The following MTHFS variants were observed in gnomAD, a reference collection of about 807,000 sequenced individuals.
MTHFS encodes the protein methenyltetrahydrofolate synthetase.
A neutral mutation model predicts 12.7 loss-of-function variants in MTHFS; 7 were observed. The ratio of observed to expected loss-of-function variants is 0.55; its 90% CI spans 0.31 to 1.03. MTHFS has a LOEUF of 1.03. MTHFS is among the 50% of genes least tolerant of loss of function. The pLI is 0.05. For synonymous variants in MTHFS, 100 were observed against 97.1 expected (o/e 1.03, Z -0.18); for missense variants, 252 against 258.1 (o/e 0.98, Z 0.16).
intron 1 of MTHFS, 113 bp downstream of exon 1, chr15:79,896,759 G>C (rs535046420): frequency 1.1e-4 from 163 of 1,449,662 alleles, no homozygotes; most frequent in Middle Eastern, 3.7e-4. Context: ...GCCGGGGGGT[G>C]GGGGGGCGCC....
chr15:79,879,754 T>C (rs925944693), intron 2 of MTHFS, among the ~76,000 whole-genome samples: 1 of 152,188 alleles, frequency 6.6e-6, no homozygotes, highest in African/African-American at 2.4e-5. Context: ...AAAAACATCA[T>C]GACCCATTTT....
chr15:79,883,018 C>A (rs1005782684), intron 2 of MTHFS, among the ~76,000 whole-genome samples: 1 of 152,176 alleles, frequency 6.6e-6, no homozygotes, highest in Admixed American at 6.5e-5. Flanking sequence ...TCAGCCTGGG[C>A]AACAGAGTAG....
chr15:79,852,756 G>A (rs977850156), intron 2 of MTHFS, among the ~76,000 whole-genome samples: 6 of 152,138 alleles, frequency 3.9e-5, no homozygotes, highest in African/African-American at 9.7e-5. Context: ...TGGATGACAC[G>A]GGTCATTCTG....
chr15:79,872,686 A>G (rs559047496), intron 2 of MTHFS, among the ~76,000 whole-genome samples: 27 of 152,338 alleles, frequency 1.8e-4, no homozygotes, highest in Admixed American at 1.3e-3. Flanking sequence ...GGTTGTTGCC[A>G]TGGAAAGGGG....
intron 2 of MTHFS, among the ~76,000 whole-genome samples, chr15:79,855,881 T>C (rs545025951): frequency 6.6e-6 from 1 of 152,368 alleles, no homozygotes; most frequent in African/African-American, 2.4e-5. Flanking sequence ...TATTCTATAG[T>C]ATATATGTAC....
At chr15:79,879,625 T>C (rs1286096207) in intron 2 of MTHFS, among the ~76,000 whole-genome samples, 1 of 152,228 alleles carries the variant, frequency 6.6e-6, no homozygotes, top group East Asian at 1.9e-4. Flanking sequence ...TGCTAAAATG[T>C]TGAAGTAAAA....
upstream of MTHFS, chr15:79,897,219 C>T (rs927114839): frequency 2.0e-5 from 9 of 446,046 alleles, no homozygotes; most frequent in African/African-American, 1.8e-4. Flanking sequence ...GGCTCGCCCT[C>T]CCCGGTTAGG....
At chr15:79,856,746 T>A (rs2033811219) in intron 2 of MTHFS, among the ~76,000 whole-genome samples, 1 of 152,110 alleles carries the variant, frequency 6.6e-6, no homozygotes, top group African/African-American at 2.4e-5. Context: ...GTTAAGATGG[T>A]AAATTTTGTT....
intron 2 of MTHFS, among the ~76,000 whole-genome samples, chr15:79,849,598 A>T (rs1367070227): frequency 6.6e-6 from 1 of 152,186 alleles, no homozygotes; most frequent in Non-Finnish European, 1.5e-5. Flanking sequence ...ACAGAAGAAA[A>T]ACCTTAGTCC....
chr15:79,882,030 G>A (rs1011256751), intron 2 of MTHFS, among the ~76,000 whole-genome samples: 2 of 152,250 alleles, frequency 1.3e-5, no homozygotes, highest in Non-Finnish European at 2.9e-5. Flanking sequence ...ACAATGGCAT[G>A]TGCGATGTGC....
intron 2 of MTHFS, among the ~76,000 whole-genome samples, chr15:79,882,790 C>G (rs1203980998): frequency 6.6e-6 from 1 of 152,200 alleles, no homozygotes; most frequent in Non-Finnish European, 1.5e-5. Flanking sequence ...CAGGTACATC[C>G]CACATTATCA....
intron 1 of MTHFS, among the ~76,000 whole-genome samples, chr15:79,896,111 C>T (rs74025944): frequency 0.016 from 2,491 of 152,312 alleles, 78 homozygotes; most frequent in African/African-American, 0.056. Flanking sequence ...AAACAGAGGT[C>T]TGCTAACCAA....
intron 2 of MTHFS, among the ~76,000 whole-genome samples, chr15:79,874,541 CT>C (rs1161645691): frequency 6.6e-6 from 1 of 152,098 alleles, no homozygotes; most frequent in Non-Finnish European, 1.5e-5. Flanking sequence ...TGACTCATAG[CT>C]CTCTCCATGC....
At chr15:79,891,522 G>C (rs2034471693) in intron 1 of MTHFS, among the ~76,000 whole-genome samples, 1 of 152,148 alleles carries the variant, frequency 6.6e-6, no homozygotes, top group Non-Finnish European at 1.5e-5. Context: ...CTAAAATTGT[G>C]ATTAGCAAAA....
chr15:79,859,787 C>T (rs2033877519), intron 2 of MTHFS, among the ~76,000 whole-genome samples: 1 of 129,750 alleles, frequency 7.7e-6, no homozygotes, highest in Non-Finnish European at 1.5e-5. Flanking sequence ...CACTGCACTC[C>T]AGGCTGGAAG....
chr15:79,850,060 C>T (rs879778040), intron 2 of MTHFS, among the ~76,000 whole-genome samples: 9 of 152,244 alleles, frequency 5.9e-5, no homozygotes, highest in Non-Finnish European at 1.3e-4. Context: ...ACTGCAATCT[C>T]TGTGCTTCCA....
intron 2 of MTHFS, among the ~76,000 whole-genome samples, chr15:79,851,472 T>C (rs1243891201): frequency 1.3e-5 from 2 of 152,208 alleles, no homozygotes; most frequent in Non-Finnish European, 2.9e-5. Context: ...GATTATCCTG[T>C]GAGATACCTA....
At chr15:79,854,956 T>C (rs2033774529) in intron 2 of MTHFS, among the ~76,000 whole-genome samples, 1 of 152,180 alleles carries the variant, frequency 6.6e-6, no homozygotes, top group African/African-American at 2.4e-5. Flanking sequence ...CCACTGGGGT[T>C]TGCAAACTAT....
intron 2 of MTHFS, among the ~76,000 whole-genome samples, chr15:79,851,539 G>T (rs1382881638): frequency 6.6e-6 from 1 of 152,144 alleles, no homozygotes; most frequent in African/African-American, 2.4e-5. Context: ...ACTAACATTT[G>T]TAAAGCGCCT....
Sources: gnomAD v4.1 joint callset for allele counts (sites outside exome capture counted in the v4.1 genomes callset) on GRCh38, gnomAD v4.1.1 for gene constraint, MANE v1.5 for transcripts, NCBI Gene and HGNC (gene_info 2026-07-23, HGNC 2026-07-21) for gene names.